The following KCNA4 variants were observed in gnomAD, a reference collection of about 807,000 sequenced individuals.
KCNA4 encodes potassium voltage-gated channel subfamily A member 4.
Under a neutral mutation model 37.2 loss-of-function variants are expected in KCNA4, and 5 were observed. The observed-to-expected ratio is 0.13, with a 90% confidence interval of 0.07 to 0.28. The LOEUF is 0.28. Among genes scored for constraint, KCNA4 ranks in the 10% least tolerant of loss-of-function variants. The pLI, the probability that KCNA4 is intolerant of heterozygous loss-of-function variation, is 1.00. For missense variants in KCNA4, 634 were observed against 817.4 expected, an observed-to-expected ratio of 0.78 and a Z score of 2.74; for synonymous variants, 350 against 311.8, an observed-to-expected ratio of 1.12 and a Z score of -1.29.
rs1388203346 is a variant in KCNA4 at position 30,011,083 on chromosome 11, G to A, written c.1596C>T (p.Pro532=). The change falls in exon 2 of 2, where the codon CCC becomes CCT. Residue 532 remains proline (P), a synonymous_variant. Transcript: ENST00000328224. The surrounding 1 kb of genome is among the most constrained non-coding windows in gnomAD (Gnocchi z 5.6). ...CGACAATCTTGCCCCCTACAGTGAT[G>A]GGCTTCATGTCCCCATAGCCCACAG... The part of the protein sequence containing the change: ...MTTVGYGDMK[P]ITVGGKIVGS... The A allele has an allele frequency of 2.5e-6, 4 of 1,614,024 alleles. No individual in the cohort carries two copies. The Admixed American group carries it at 6.7e-5, about 27-fold the overall frequency.
intron 1 of KCNA4, among the ~76,000 whole-genome samples, chr11:30,014,307 T>C (rs909659036): frequency 6.6e-6 from 1 of 152,166 alleles, no homozygotes; most frequent in Non-Finnish European, 1.5e-5. Context: ...CCCTACAGCA[T>C]GTCCCCATTG....
rs45509498 is a variant in KCNA4 at position 30,011,863 on chromosome 11, G to A, written c.816C>T (p.Asp272=). The change falls in exon 2 of 2, where the codon GAC becomes GAT. Residue 272 remains aspartate, a synonymous_variant. Transcript: ENST00000328224. This position sits in a 1 kb window ranked among gnomAD's most constrained non-coding sequence, Gnocchi z 5.6. ...CTTCCTCTTCTCTCACAAAGCCCTCGTCCTCCCGAAACTTCAACAGGGCCT... is the reference window on the plus strand; with the variant it reads ...CTTCCTCTTCTCTCACAAAGCCCTCATCCTCCCGAAACTTCAACAGGGCCT... The part of the protein sequence containing the change: ...GEEALLKFRE[D]EGFVREEEDR... The A allele has an allele frequency of 1.5e-5, 25 of 1,613,952 alleles. No individual in the cohort carries two copies. The highest frequency in any genetic ancestry group is 1.6e-4 in the Middle Eastern group (1 of 6,062).
Position 30,010,771 on chromosome 11 carries a change from A to G in KCNA4, c.1908T>C (p.Ser636=). 6.2e-7 allele frequency: 1 copy of G among 1,613,944 alleles called. No homozygotes were observed. The highest frequency in any genetic ancestry group is 1.3e-5 in the African/African-American group (1 of 75,020). ...EEKCQGKGDD[S]ETDKNNCSNA... is the part of the protein sequence containing the mutation. Reference sequence around the variant, plus strand: ...TAGAACAGTTGTTTTTATCTGTCTCACTGTCATCCCCCTTTCCCTGACACT... The same window carrying G: ...TAGAACAGTTGTTTTTATCTGTCTCGCTGTCATCCCCCTTTCCCTGACACT... Residue 636 remains serine, a synonymous_variant, in exon 2 of 2, where the codon AGT becomes AGC. Coordinates refer to ENST00000328224, the MANE Select transcript of KCNA4 (RefSeq NM_002233.4).
At position 30,012,391 on chromosome 11, in the gene KCNA4, G is replaced by C. The variant is rs756298430; in HGVS notation, c.288C>G (p.His96Gln). The C allele has an allele frequency of 4.3e-6, 7 of 1,614,120 alleles. No homozygotes were observed. Among genetic ancestry groups the C allele is most frequent in the Non-Finnish European group, 5.9e-6 (7 of 1,180,044 alleles). Residue 96 changes from histidine to glutamine, a missense_variant, in exon 2 of 2, where the codon CAC becomes CAG. By Grantham distance (24) the His-to-Gln change is conservative. This residue lies in a region of KCNA4 where 236 missense variants were observed against 229.5 expected (regional missense o/e 1.03). Transcript: ENST00000328224. ...AATGAGGGAAGCTGCTCTGCCGGTA[G>C]TGGGCTTTCTTCTTCTCAGACCGCT... ...RRQRSEKKKA[H>Q]YRQSSFPHCS... is the part of the protein sequence containing the mutation.
chr11:30,016,084 G>T (rs943036944), intron 1 of KCNA4, among the ~76,000 whole-genome samples: 1 of 151,916 alleles, frequency 6.6e-6, no homozygotes, highest in Non-Finnish European at 1.5e-5. Context: ...ACACTTCAAC[G>T]CACGCCATTT....
In KCNA4 at chr11:30,012,814, A is replaced by G; in HGVS notation, c.-136T>C. On this transcript the variant is annotated 5_prime_UTR_variant, in exon 2 of 2. It removes the in-frame stop codon of an upstream open reading frame in the 5' UTR. Coordinates refer to ENST00000328224, the MANE Select transcript of KCNA4 (RefSeq NM_002233.4). ...TGCTTGGAAGACTAAGGATATTTTC[A>G]GTCCAACTTTGCATTTTCTGTTTTT... 3 of 1,319,922 alleles carry G rather than the reference A, an allele frequency of 2.3e-6. No individual in the cohort carries two copies. Among genetic ancestry groups the G allele is most frequent in the South Asian group, 3.6e-5 (2 of 55,532 alleles). 81.8% of individuals were successfully genotyped at this position (1,319,922 alleles called of 1,614,324 possible). A position where few individuals can be genotyped will look rare whatever the true frequency, so the allele number is the denominator to read the frequency against.
At chr11:30,014,719 A>G (rs1441464203) in intron 1 of KCNA4, among the ~76,000 whole-genome samples, 1 of 151,942 alleles carries the variant, frequency 6.6e-6, no homozygotes, top group African/African-American at 2.4e-5. Context: ...CAGGTAATTC[A>G]TCTCCTCAGC....
chr11:30,012,093 G>A lies in KCNA4; in HGVS notation c.586C>T (p.Gln196Ter). The A allele has an allele frequency of 6.2e-7, 1 of 1,614,158 alleles. No individual in the cohort carries two copies. The highest frequency in any genetic ancestry group is 8.5e-7 in the Non-Finnish European group (1 of 1,180,022). ...TCTCCCAACAAAGTCTCTGGAAACT[G>A]GGCCAGAGTTTTCATTTGGGTCTCA... ...RFETQMKTLA[Q>*]FPETLLGDPE... The change falls in exon 2 of 2, where the codon CAG becomes TAG. Residue 196 changes from glutamine to a stop codon, truncating the protein, a stop_gained. Transcript: ENST00000328224. LOFTEE classifies it high-confidence loss of function.
chr11:30,014,356 C>A (rs938901693), intron 1 of KCNA4, among the ~76,000 whole-genome samples: 9 of 152,138 alleles, frequency 5.9e-5, no homozygotes, highest in African/African-American at 1.7e-4. Context: ...TCCCTACCAC[C>A]CACAGACTAG....
At position 30,011,366 on chromosome 11, in the gene KCNA4, A is replaced by G. The variant is rs750787880; in HGVS notation, c.1313T>C (p.Met438Thr). 2.2e-5 allele frequency: 35 copies of G among 1,614,160 alleles called. No individual in the cohort carries two copies. Among genetic ancestry groups the G allele is most frequent in the Non-Finnish European group, 2.9e-5 (34 of 1,180,040 alleles). The change falls in exon 2 of 2, where the codon ATG becomes ACG. Residue 438 changes from methionine (M) to threonine (T), a missense_variant. By Grantham distance (81) the Met-to-Thr change is moderately conservative (BLOSUM62 -1). Coordinates refer to ENST00000328224, the MANE Select transcript of KCNA4 (RefSeq NM_002233.4). This position sits in a 1 kb window ranked among gnomAD's most constrained non-coding sequence, Gnocchi z 5.6. ...AATGATTCTGAGGATGGCAAAGGAC[A>G]TGGCCTGCTGCTGCTGACCATTGCC... The part of the protein sequence containing the change: ...GGGNGQQQQA[M>T]SFAILRIIRL...
In KCNA4 at chr11:30,016,859, G is replaced by A; in HGVS notation, c.-1070C>T. 2.5e-6 allele frequency: 1 copy of A among 398,090 alleles called. No homozygotes were observed. The highest frequency in any genetic ancestry group is 4.4e-6 in the Non-Finnish European group (1 of 225,808). 24.7% of individuals were successfully genotyped at this position (398,090 alleles called of 1,614,324 possible). A position where few individuals can be genotyped will look rare whatever the true frequency, so the allele number is the denominator to read the frequency against. On this transcript the variant is annotated 5_prime_UTR_variant, in exon 1 of 2. Coordinates refer to ENST00000328224, the MANE Select transcript of KCNA4 (RefSeq NM_002233.4). ...AGACTCCTGGTTCCTCTGGAGTTCA[G>A]CACAGGAGGGATTGCCTGGGAAAGG...
At chr11:30,015,067 A>G (rs559822631) in intron 1 of KCNA4, among the ~76,000 whole-genome samples, 1 of 152,062 alleles carries the variant, frequency 6.6e-6, no homozygotes, top group African/African-American at 2.4e-5. Context: ...CCCCTTCCCA[A>G]TCATATATAT....
Position 30,012,006 on chromosome 11 carries a change from G to A in KCNA4, c.673C>T (p.Arg225Cys), listed in dbSNP as rs1850308265. ...LRNEYFFDRNRPSFDAILYYY... is the reference protein window; with the variant it reads ...LRNEYFFDRNCPSFDAILYYY... ...TACAAGATGGCATCAAAGCTGGGGC[G>A]GTTCCTGTCAAAAAAATACTCATTG... The change falls in exon 2 of 2, where the codon CGC (arginine) becomes TGC (cysteine). Residue 225 changes from arginine to cysteine, a missense_variant. Arg to Cys is a radical substitution (Grantham distance 180). Around this residue, in one of 8 missense-constraint regions of KCNA4, gnomAD observed 252 missense variants for 344.2 expected, o/e 0.73. Coordinates refer to ENST00000328224, the MANE Select transcript of KCNA4 (RefSeq NM_002233.4). 1.2e-6 allele frequency: 2 copies of A among 1,613,926 alleles called. No homozygotes were observed. Among genetic ancestry groups the A allele is most frequent in the Admixed American group, 1.7e-5 (1 of 59,998 alleles).
In KCNA4 at chr11:30,012,503, C is replaced by T; in HGVS notation, c.176G>A (p.Gly59Glu). The stretch of plus-strand genomic sequence containing the variant: ...TGACTGGTGGTGGTGGTGGGAGCCC[C>T]CACCAGAACCCCCGCTACCTTCGAC... ...AAVEGSGGSG[G>E]GSHHHHQSRG... Residue 59 changes from glycine to glutamate, a missense_variant, in exon 2 of 2, where the codon GGG (glycine) becomes GAG (glutamate). Physicochemically the swap from Gly to Glu is moderately conservative, Grantham distance 98. Coordinates refer to ENST00000328224, the MANE Select transcript of KCNA4 (RefSeq NM_002233.4). 1 of 1,610,212 alleles carries T rather than the reference C, an allele frequency of 6.2e-7. No individual in the cohort carries two copies. The highest frequency in any genetic ancestry group is 8.5e-7 in the Non-Finnish European group (1 of 1,179,876).
rs1850356764 is a variant in KCNA4, at chr11:30,016,791, G to A, written c.-1002C>T. On this transcript the variant is annotated 5_prime_UTR_variant, in exon 1 of 2. Coordinates refer to ENST00000328224, the MANE Select transcript of KCNA4 (RefSeq NM_002233.4). ...GGGGTGCACAGAGTCCTCGCGGCTG[G>A]AGCCTGGGGGTGGGGGTTGGGGCTG... is the stretch of plus-strand genomic sequence containing the variant. 2.6e-6 allele frequency: 1 copy of A among 388,138 alleles called. No homozygotes were observed. Among genetic ancestry groups the A allele is most frequent in the Non-Finnish European group, 4.5e-6 (1 of 219,872 alleles). The allele number at this position is 388,138 out of a possible 1,614,324, so 24.0% of individuals were successfully genotyped here. A position where few individuals can be genotyped will look rare whatever the true frequency, so the allele number is the denominator to read the frequency against.
At position 30,012,441 on chromosome 11, in the gene KCNA4, G is replaced by T; in HGVS notation, c.238C>A (p.Arg80=). ...ACTSHDPQSS[R]GSRRRRRQRS... Reference sequence around the variant, plus strand: ...TGTCGCCTCCTCCTCCGACTACCCCGGCTGCTCTGAGGGTCATGGGAGGTA... The same window carrying T: ...TGTCGCCTCCTCCTCCGACTACCCCTGCTGCTCTGAGGGTCATGGGAGGTA... Residue 80 remains arginine (R), a synonymous_variant, in exon 2 of 2, where the codon CGG becomes AGG. Transcript: ENST00000328224. 1 of 1,613,238 alleles carries T rather than the reference G, an allele frequency of 6.2e-7. No individual in the cohort carries two copies. The highest frequency in any genetic ancestry group is 8.5e-7 in the Non-Finnish European group (1 of 1,179,990).
rs548595217 is a variant in KCNA4 at position 30,010,908 on chromosome 11, A to G, written c.1771T>C (p.Ser591Pro). 1 of 1,614,172 alleles carries G rather than the reference A, an allele frequency of 6.2e-7. No individual in the cohort carries two copies. Among genetic ancestry groups the G allele is most frequent in the African/African-American group, 1.3e-5 (1 of 75,040 alleles). The change falls in exon 2 of 2, where the codon TCT becomes CCT. Residue 591 changes from serine (S) to proline (P), a missense_variant. Transcript: ENST00000328224. ...CTCCGAAATTTCTTGAGCAAATTAG[A>G]GGGGAGGTATGGACAACTGACTGCA... ...QNAVSCPYLP[S>P]NLLKKFRSST...
Position 30,016,674 on chromosome 11 carries a change from G to A in KCNA4, c.-885C>T. ...CTGGAGGAGGGGAAGAATGATCCTGGGTGGGGGGCGGGGGGTGGTAAAAGG... is the reference window on the plus strand; with the variant it reads ...CTGGAGGAGGGGAAGAATGATCCTGAGTGGGGGGCGGGGGGTGGTAAAAGG... On this transcript the variant is annotated 5_prime_UTR_variant, in exon 1 of 2. Coordinates refer to ENST00000328224, the MANE Select transcript of KCNA4 (RefSeq NM_002233.4). 3.3e-6 allele frequency: 1 copy of A among 303,936 alleles called. No individual in the cohort carries two copies. Among genetic ancestry groups the A allele is most frequent in the Non-Finnish European group, 5.8e-6 (1 of 172,024 alleles). 18.8% of individuals were successfully genotyped at this position (303,936 alleles called of 1,614,324 possible).
Position 30,012,286 on chromosome 11 carries a change from CTCCTCCTCCTCATCT to C in KCNA4, c.378_392del (p.Asp127_Glu131del). On this transcript the variant is annotated inframe_deletion, in exon 2 of 2. Coordinates refer to ENST00000328224, the MANE Select transcript of KCNA4 (RefSeq NM_002233.4). The stretch of plus-strand genomic sequence containing the variant: ...ACCTTCCCTCCTCTTCCTCCTCTTC[CTCCTCCTCCTCATCT>C]TCCTCCTCCTCACTCAGCTCCCTCA... The C allele has an allele frequency of 1.2e-6, 2 of 1,612,496 alleles. No individual in the cohort carries two copies. Among genetic ancestry groups the C allele is most frequent in the Non-Finnish European group, 1.7e-6 (2 of 1,179,050 alleles).
Sources: gnomAD v4.1 joint callset for allele counts (sites outside exome capture counted in the v4.1 genomes callset) on GRCh38, gnomAD v4.1.1 for gene constraint, gnomAD v4.1.1 regional missense constraint, Gnocchi (gnomAD v3.1) non-coding constraint, MANE v1.5 for transcripts, NCBI Gene and HGNC (gene_info 2026-07-23, HGNC 2026-07-21) for gene names.